Variants in ZFR observed in about 807,000 individuals in gnomAD.
The protein encoded by ZFR is zinc finger RNA-binding protein.
A neutral mutation model predicts 130.7 loss-of-function variants in ZFR; 19 were observed. The observed-to-expected ratio is 0.15, with a 90% CI of 0.10 to 0.21. The LOEUF is 0.21. Ranked by LOEUF, ZFR falls within the 10% of genes least tolerant of loss-of-function variation. The pLI is 1.00. For missense variants in ZFR, 872 were observed against 1,321.5 expected, an observed-to-expected ratio of 0.66 and a Z score of 5.27; for synonymous variants, 466 against 456.9, an observed-to-expected ratio of 1.02 and a Z score of -0.25.
intron 17 of ZFR, among the ~76,000 whole-genome samples, chr5:32,372,091 T>C (rs533439310): frequency 2.6e-5 from 4 of 152,300 alleles, no homozygotes; most frequent in African/African-American, 7.2e-5. Flanking sequence ...CATAGTATAT[T>C]TGATGAAGAC....
chr5:32,376,745 GGGAGGCCAA>G (rs1293008826), intron 17 of ZFR, among the ~76,000 whole-genome samples: 3 of 152,162 alleles, frequency 2.0e-5, no homozygotes, highest in Non-Finnish European at 4.4e-5. Flanking sequence ...CCAGCAGTTT[GGGAGGCCAA>G]GGAGGGCAGA....
intron 2 of ZFR, among the ~76,000 whole-genome samples, chr5:32,437,506 A>G (rs1310555777): frequency 6.6e-6 from 1 of 152,230 alleles, no homozygotes; most frequent in Non-Finnish European, 1.5e-5. Flanking sequence ...GAAATGATAT[A>G]CTCAGAACAA....
At chr5:32,415,307 A>T in intron 4 of ZFR, 120 bp from the exon 5 acceptor site, 1 of 839,330 alleles carries the variant, frequency 1.2e-6, no homozygotes, top group Non-Finnish European at 1.8e-6. Context: ...ATTTTATGCC[A>T]GCAATTTCTC....
chr5:32,394,007 T>C (rs1753239985), intron 11 of ZFR, among the ~76,000 whole-genome samples: 1 of 152,196 alleles, frequency 6.6e-6, no homozygotes, highest in Non-Finnish European at 1.5e-5. Context: ...AAATTTTACA[T>C]ATGCACAAAA....
chr5:32,415,511 T>C lies in ZFR; in HGVS notation c.566-324A>G, dbSNP rs78595303. The stretch of plus-strand genomic sequence containing the variant: ...GTGTGTGTGTGTGTGTGTGTGTGTG[T>C]GTGTGCGCGCGCGCGCGCGCGCACT... On this transcript the variant is annotated intron_variant, in intron 4 of 19. Coordinates refer to ENST00000265069, the MANE Select transcript of ZFR (RefSeq NM_016107.5). Among the ~76,000 whole-genome samples, 721 of 93,508 alleles carry C rather than the reference T, an allele frequency of 7.7e-3. 5 individuals are homozygous for C. The highest frequency in any genetic ancestry group is 0.026 in the Middle Eastern group (6 of 228). 61.3% of individuals were successfully genotyped at this position (93,508 alleles called of 152,430 possible). A position where few individuals can be genotyped will look rare whatever the true frequency, so the allele number is the denominator to read the frequency against.
At position 32,404,013 on chromosome 5, in the gene ZFR, T is replaced by C; in HGVS notation, c.1117A>G (p.Ser373Gly). 6.2e-7 allele frequency: 1 copy of C among 1,614,166 alleles called. No homozygotes were observed. The highest frequency in any genetic ancestry group is 8.5e-7 in the Non-Finnish European group (1 of 1,179,996). ...TGATTTTGAGTCCCACGAGTAGAACTGTTGCTGCTGCTGGTATTTTGTGAG... is the reference window on the plus strand; with the variant it reads ...TGATTTTGAGTCCCACGAGTAGAACCGTTGCTGCTGCTGGTATTTTGTGAG... ...KASQNTSSSN[S>G]STRGTQNQLR... The change falls in exon 7 of 20, where the codon AGT becomes GGT. Residue 373 changes from serine to glycine, a missense_variant. By Grantham distance (56) the Ser-to-Gly change is moderately conservative (BLOSUM62 0). Transcript: ENST00000265069.
At chr5:32,388,340 C>T (rs1395119050) in intron 13 of ZFR, 129 bp downstream of exon 13, 5 of 864,950 alleles carry the variant, frequency 5.8e-6, no homozygotes, top group Middle Eastern at 3.2e-4. Flanking sequence ...CATGAAATAT[C>T]GAACACAGGC....
intron 2 of ZFR, among the ~76,000 whole-genome samples, chr5:32,427,781 C>A (rs553420033): frequency 3.3e-5 from 5 of 152,196 alleles, no homozygotes; most frequent in African/African-American, 1.2e-4. Flanking sequence ...GACATATAGA[C>A]CAATGAAATA....
At chr5:32,436,217 C>T (rs540822726) in intron 2 of ZFR, among the ~76,000 whole-genome samples, 12 of 132,174 alleles carry the variant, frequency 9.1e-5, no homozygotes, top group Admixed American at 2.7e-4. Context: ...GGCGCGATCT[C>T]GGCTCACTGC....
At chr5:32,434,126 G>T (rs890055857) in intron 2 of ZFR, among the ~76,000 whole-genome samples, 2 of 152,204 alleles carry the variant, frequency 1.3e-5, no homozygotes, top group African/African-American at 4.8e-5. Context: ...AGCAAAATAG[G>T]ATATTCTGGT....
chr5:32,417,496 C>T (rs1450067476), intron 4 of ZFR, 152 bp downstream of exon 4: 2 of 852,530 alleles, frequency 2.3e-6, no homozygotes, highest in Non-Finnish European at 3.5e-6. Flanking sequence ...TGAATTGTGA[C>T]TCCAAGGCAT....
intron 2 of ZFR, among the ~76,000 whole-genome samples, chr5:32,442,811 A>G (rs1754503003): frequency 6.6e-6 from 1 of 152,188 alleles, no homozygotes; most frequent in African/African-American, 2.4e-5. Context: ...GTTTCTCAAA[A>G]CCACAAGTTT....
chr5:32,403,799 G>T, intron 7 of ZFR, 107 bp downstream of exon 7: 1 of 963,730 alleles, frequency 1.0e-6, no homozygotes, highest in Non-Finnish European at 1.5e-6. Flanking sequence ...GGCTTATAAT[G>T]CACTTAAAAG....
intron 4 of ZFR, among the ~76,000 whole-genome samples, chr5:32,415,515 T>TGTGTGCGCGCGC (rs1326041688): frequency 4.1e-5 from 4 of 97,936 alleles, no homozygotes; most frequent in Non-Finnish European, 8.1e-5. Flanking sequence ...TGTGTGTGTG[T>TGTGTGCGCGCGC]GCGCGCGCGC....
chr5:32,439,329 TTTCTACCTTAC>T (rs1754409439), intron 2 of ZFR, among the ~76,000 whole-genome samples: 1 of 152,222 alleles, frequency 6.6e-6, no homozygotes, highest in African/African-American at 2.4e-5. Context: ...GTTTAATCCT[TTTCTACCTTAC>T]TAGTGTTACT....
chr5:32,416,614 C>CAACAAAAAAAAAA (rs1554073743), intron 4 of ZFR, among the ~76,000 whole-genome samples: 1 of 132,798 alleles, frequency 7.5e-6, no homozygotes, highest in Non-Finnish European at 1.6e-5. Flanking sequence ...AACTCCGTCT[C>CAACAAAAAAAAAA]AAAAAAAAAA....
chr5:32,410,781 CAGCTGACCAAAATTGT>C (rs573212168), intron 5 of ZFR, among the ~76,000 whole-genome samples: 112 of 152,164 alleles, frequency 7.4e-4, no homozygotes, highest in Non-Finnish European at 1.1e-3. Context: ...ATAAAGAGAA[CAGCTGACCAAAATTGT>C]AGCTGCCAAA....
At chr5:32,435,490 A>G (rs973850230) in intron 2 of ZFR, among the ~76,000 whole-genome samples, 13 of 152,364 alleles carry the variant, frequency 8.5e-5, no homozygotes, top group African/African-American at 2.9e-4. Context: ...GAGTGTTATG[A>G]TTAAATTTAC....
At chr5:32,379,558 G>A (rs1752893147) in intron 16 of ZFR, 4 of 262,798 alleles carry the variant, frequency 1.5e-5, no homozygotes, top group Non-Finnish European at 2.9e-5. Flanking sequence ...TTTGTCTAGG[G>A]ACTGAAAGGT....
Sources: allele counts gnomAD v4.1 joint callset (sites outside exome capture counted in the v4.1 genomes callset), GRCh38; gene constraint gnomAD v4.1.1; transcripts MANE v1.5; gene names NCBI Gene and HGNC (gene_info 2026-07-23, HGNC 2026-07-21).